WWTR1: variants seen among roughly 807,000 people sequenced by gnomAD.
The protein encoded by WWTR1 is WW domain containing transcription regulator 1, also known as WW domain-containing transcription regulator protein 1.
Under a neutral mutation model 40.1 loss-of-function variants are expected in WWTR1, and 13 were observed. The observed-to-expected ratio is 0.32, with a 90% CI of 0.21 to 0.52. WWTR1 has a LOEUF of 0.52. Among genes scored for constraint, WWTR1 ranks in the 20% least tolerant of loss-of-function variants. The pLI is 0.97. For synonymous variants in WWTR1, 230 were observed against 210.1 expected, an observed-to-expected ratio of 1.09 and a Z score of -0.82; for missense variants, 436 against 523.1, an observed-to-expected ratio of 0.83 and a Z score of 1.63.
chr3:149,592,520 A>G (rs927581796), intron 2 of WWTR1, among the ~76,000 whole-genome samples: 2 of 152,212 alleles, frequency 1.3e-5, no homozygotes, highest in African/African-American at 2.4e-5. Flanking sequence ...AAGCATCCCA[A>G]CGACAAAGTT....
In WWTR1 at chr3:149,542,253, C is replaced by T. The variant is rs557820601; in HGVS notation, c.771+82G>A. On this transcript the variant is annotated intron_variant, in intron 4 of 6. Transcript: ENST00000360632. ...TGTCTCTTCTTCTCTAGAAGAATTACCCTGAAGGTAAGCAGCTACCTACCC... is the reference window on the plus strand; with the variant it reads ...TGTCTCTTCTTCTCTAGAAGAATTATCCTGAAGGTAAGCAGCTACCTACCC... 9 of 1,476,838 alleles carry T rather than the reference C, an allele frequency of 6.1e-6. No individual in the cohort carries two copies. In the Admixed American group the frequency reaches 1.6e-4, roughly 26 times the overall value. 91.5% of individuals were successfully genotyped at this position (1,476,838 alleles called of 1,614,324 possible).
Position 149,693,053 on chromosome 3 carries a change from C to A in WWTR1, c.-108+10071G>T, listed in dbSNP as rs938766658. Among the ~76,000 whole-genome samples, 5 of 152,122 alleles carry A rather than the reference C, an allele frequency of 3.3e-5. No homozygotes were observed. In the East Asian group the frequency reaches 9.6e-4, roughly 29 times the overall value. On this transcript the variant is annotated intron_variant, in intron 1 of 7. Coordinates refer to the WWTR1 transcript ENST00000465804. ...GAAGAAGTCAAATTATCCTTGTTTG[C>A]AGATGATATGATCTTATATTTGGAA...
At chr3:149,670,131 C>T (rs1410850487) in intron 1 of WWTR1, among the ~76,000 whole-genome samples, 3 of 152,326 alleles carry the variant, frequency 2.0e-5, no homozygotes, top group East Asian at 1.9e-4. Context: ...CAAGAAACCA[C>T]GGCCTTCAGT....
chr3:149,655,752 CTG>C (rs1244598507), intron 2 of WWTR1, among the ~76,000 whole-genome samples: 2 of 152,220 alleles, frequency 1.3e-5, no homozygotes, highest in East Asian at 1.9e-4. Flanking sequence ...TCATCCATCA[CTG>C]TGTATTCATT....
At chr3:149,604,638 T>C (rs532312119) in intron 2 of WWTR1, among the ~76,000 whole-genome samples, 1 of 152,162 alleles carries the variant, frequency 6.6e-6, no homozygotes, top group African/African-American at 2.4e-5. Context: ...CCAGCCCACA[T>C]GCTGACCAGC....
At chr3:149,697,014 T>A (rs543989039) in intron 1 of WWTR1, among the ~76,000 whole-genome samples, 6 of 152,194 alleles carry the variant, frequency 3.9e-5, no homozygotes, top group Non-Finnish European at 8.8e-5. Flanking sequence ...AGGTCACTTT[T>A]TCTAACAGCT....
chr3:149,657,039 A>C lies in WWTR1; in HGVS notation c.268T>G (p.Ser90Ala). The C allele has an allele frequency of 6.3e-7, 1 of 1,582,476 alleles. No individual in the cohort carries two copies. Among genetic ancestry groups the C allele is most frequent in the Non-Finnish European group, 8.6e-7 (1 of 1,169,318 alleles). ...GGAQHVRSHS[S>A]PASLQLGTGA... ...GTGCCCAGCTGCAGGGACGCGGGCG[A>C]CGAGTGCGAGCGGACATGCTGGGCA... Residue 90 changes from serine (S) to alanine (A), a missense_variant, in exon 2 of 7, where the codon TCG (serine) becomes GCG (alanine). Transcript: ENST00000360632.
At chr3:149,641,413 T>G (rs551754956) in intron 2 of WWTR1, among the ~76,000 whole-genome samples, 1 of 152,332 alleles carries the variant, frequency 6.6e-6, no homozygotes, top group South Asian at 2.1e-4. Context: ...ACAATGCACT[T>G]TAATTAGCCA....
intron 3 of WWTR1, among the ~76,000 whole-genome samples, chr3:149,572,021 G>A (rs16862004): frequency 0.19 from 29,083 of 152,038 alleles, 3,086 homozygotes; most frequent in East Asian, 0.47. Flanking sequence ...CACTTATTAA[G>A]TATTGTAAAT....
upstream of WWTR1, among the ~76,000 whole-genome samples, chr3:149,661,722 C>A (rs923850468): frequency 2.0e-5 from 3 of 149,018 alleles, no homozygotes; most frequent in Non-Finnish European, 4.4e-5. Flanking sequence ...CCATGCCCGG[C>A]CACAAATAAA....
intron 1 of WWTR1, among the ~76,000 whole-genome samples, chr3:149,679,518 T>C (rs73155048): frequency 0.12 from 18,372 of 152,106 alleles, 1,376 homozygotes; most frequent in East Asian, 0.23. Flanking sequence ...ATTTACCTAG[T>C]TTAGCTGGAC....
intron 5 of WWTR1, among the ~76,000 whole-genome samples, chr3:149,710,574 C>CCA (rs1715450692): frequency 1.3e-5 from 1 of 74,938 alleles, no homozygotes; most frequent in African/African-American, 5.1e-5. Context: ...CCCGCCTCCC[C>CCA]CCCCCCCCTT....
chr3:149,703,876 C>A (rs1170202508), upstream of WWTR1, among the ~76,000 whole-genome samples: 1 of 152,232 alleles, frequency 6.6e-6, no homozygotes, highest in African/African-American at 2.4e-5. Flanking sequence ...GAAGCAGATG[C>A]TGGCGCATGC....
chr3:149,594,335 T>G (rs962008462), intron 2 of WWTR1, among the ~76,000 whole-genome samples: 1 of 152,176 alleles, frequency 6.6e-6, no homozygotes, highest in Non-Finnish European at 1.5e-5. Flanking sequence ...GATTTTTCTA[T>G]GTCGATTTTT....
At chr3:149,683,655 C>T (rs1259149213) in intron 1 of WWTR1, among the ~76,000 whole-genome samples, 2 of 152,070 alleles carry the variant, frequency 1.3e-5, no homozygotes, top group African/African-American at 2.4e-5. Flanking sequence ...GATTGCACCA[C>T]TGCACTTCAG....
At chr3:149,626,996 C>T (rs1740575250) in intron 2 of WWTR1, among the ~76,000 whole-genome samples, 1 of 152,004 alleles carries the variant, frequency 6.6e-6, no homozygotes, top group African/African-American at 2.4e-5. Flanking sequence ...GGTAAGCTAA[C>T]AAAAAACATA....
At chr3:149,647,052 G>A (rs1030558094) in intron 2 of WWTR1, among the ~76,000 whole-genome samples, 2 of 151,980 alleles carry the variant, frequency 1.3e-5, no homozygotes, top group African/African-American at 4.8e-5. Flanking sequence ...GAAAAAAAAA[G>A]AAGGTGCAGA....
At chr3:149,531,406 T>G (rs1422905278) in intron 4 of WWTR1, among the ~76,000 whole-genome samples, 1 of 152,152 alleles carries the variant, frequency 6.6e-6, no homozygotes, top group African/African-American at 2.4e-5. Context: ...ACCTGCTTCT[T>G]GTTCCACCTG....
chr3:149,679,228 G>A (rs967514475), intron 1 of WWTR1, among the ~76,000 whole-genome samples: 1 of 152,314 alleles, frequency 6.6e-6, no homozygotes. Context: ...TTGGGTTGGC[G>A]ATGAGCATTT....
Sources: gnomAD v4.1 joint callset for allele counts (sites outside exome capture counted in the v4.1 genomes callset) on GRCh38, gnomAD v4.1.1 for gene constraint, MANE v1.5 for transcripts, NCBI Gene and HGNC (gene_info 2026-07-23, HGNC 2026-07-21) for gene names.